The following LUZP2 variants were observed in gnomAD, a reference collection of about 807,000 sequenced individuals.
LUZP2 encodes the protein leucine zipper protein 2.
Under a neutral mutation model 51.6 loss-of-function variants are expected in LUZP2, and 52 were observed. The observed-to-expected ratio is 1.01, with a 90% CI of 0.81 to 1.27. The LOEUF is 1.27. Among genes scored for constraint, LUZP2 ranks in the 50% most tolerant of loss-of-function variants. LUZP2 has a pLI of 0.00. For synonymous variants in LUZP2, 154 were observed against 137.3 expected, an observed-to-expected ratio of 1.12 and a Z score of -0.85; for missense variants, 436 against 395.4, an observed-to-expected ratio of 1.10 and a Z score of -0.87.
chr11:25,010,941 C>T (rs891709429), intron 9 of LUZP2, among the ~76,000 whole-genome samples: 2 of 151,956 alleles, frequency 1.3e-5, no homozygotes, highest in African/African-American at 4.8e-5. Flanking sequence ...ACAAGTACTC[C>T]CAATTAATAG....
intron 1 of LUZP2, among the ~76,000 whole-genome samples, chr11:24,678,647 C>T (rs995778310): frequency 6.6e-6 from 1 of 152,096 alleles, no homozygotes; most frequent in East Asian, 1.9e-4. Flanking sequence ...GAAAAATATC[C>T]CAGGTATCTG....
chr11:24,642,460 C>G (rs1316219095), intron 1 of LUZP2, among the ~76,000 whole-genome samples: 2 of 151,802 alleles, frequency 1.3e-5, no homozygotes, highest in African/African-American at 2.4e-5. Flanking sequence ...GTTCAGTCCT[C>G]CACCAACCCA....
chr11:24,918,414 G>C (rs11028273), intron 7 of LUZP2, among the ~76,000 whole-genome samples: 69,637 of 151,362 alleles, frequency 0.46, 16,388 homozygotes, highest in East Asian at 0.76. Context: ...CTCTTGTGCC[G>C]GTTTTCAAAG....
At chr11:24,718,100 T>C (rs974824438) in intron 1 of LUZP2, among the ~76,000 whole-genome samples, 35 of 152,298 alleles carry the variant, frequency 2.3e-4, no homozygotes, top group African/African-American at 8.2e-4. Flanking sequence ...CTTTCTTTTA[T>C]AGAGAGAAAG....
chr11:24,669,257 C>T (rs919246371), intron 1 of LUZP2, among the ~76,000 whole-genome samples: 1 of 152,094 alleles, frequency 6.6e-6, no homozygotes. Flanking sequence ...TTGTTCCTTA[C>T]TACAAATGAA....
chr11:24,712,395 G>A lies in LUZP2; in HGVS notation c.63-16774G>A, dbSNP rs913590255. Among the ~76,000 whole-genome samples, 9 of 151,910 alleles carry A rather than the reference G, an allele frequency of 5.9e-5. No individual in the cohort carries two copies. In the Middle Eastern group the frequency reaches 0.02, roughly 344 times the overall value. ...ACTGCACTTCAGCCTGAGTGACAGA[G>A]TGAGATCCTGCCTAAAAAAAAAAAT... is the stretch of plus-strand genomic sequence containing the variant. On this transcript the variant is annotated intron_variant, in intron 1 of 11. Coordinates refer to ENST00000336930, the MANE Select transcript of LUZP2 (RefSeq NM_001009909.4).
intron 1 of LUZP2, among the ~76,000 whole-genome samples, chr11:24,535,060 C>A (rs1261495736): frequency 6.6e-6 from 1 of 151,080 alleles, no homozygotes; most frequent in Non-Finnish European, 1.5e-5. Flanking sequence ...TATATTAATG[C>A]TCTACTATAG....
At chr11:24,894,950 G>A (rs1156895124) in intron 5 of LUZP2, among the ~76,000 whole-genome samples, 1 of 152,046 alleles carries the variant, frequency 6.6e-6, no homozygotes, top group Non-Finnish European at 1.5e-5. Flanking sequence ...ACACAAACTA[G>A]GATAATGGCT....
intron 1 of LUZP2, among the ~76,000 whole-genome samples, chr11:24,577,712 C>A (rs956322476): frequency 2.6e-5 from 4 of 152,010 alleles, no homozygotes; most frequent in Non-Finnish European, 5.9e-5. Flanking sequence ...TATGTATATA[C>A]ATGTTTATTC....
intron 7 of LUZP2, among the ~76,000 whole-genome samples, chr11:24,942,524 G>T (rs1435834875): frequency 6.6e-6 from 1 of 152,028 alleles, no homozygotes; most frequent in Non-Finnish European, 1.5e-5. Flanking sequence ...CTGTTCACGT[G>T]TTTTTCTCCT....
chr11:24,623,510 G>T (rs1231360490), intron 1 of LUZP2, among the ~76,000 whole-genome samples: 1 of 151,506 alleles, frequency 6.6e-6, no homozygotes, highest in African/African-American at 2.4e-5. Context: ...CTCCTTGTGA[G>T]CTGGAAATGT....
intron 1 of LUZP2, among the ~76,000 whole-genome samples, chr11:24,522,044 C>G (rs1486310789): frequency 6.6e-6 from 1 of 151,992 alleles, no homozygotes; most frequent in African/African-American, 2.4e-5. Context: ...TAACTGACCA[C>G]GAGATTCTCT....
At chr11:24,955,963 G>A (rs1855199123) in intron 7 of LUZP2, among the ~76,000 whole-genome samples, 1 of 151,962 alleles carries the variant, frequency 6.6e-6, no homozygotes, top group Non-Finnish European at 1.5e-5. Context: ...AAGGGGAAAG[G>A]AGAGACAGCG....
chr11:24,698,011 A>G (rs2133902532), intron 1 of LUZP2, among the ~76,000 whole-genome samples: 1 of 152,258 alleles, frequency 6.6e-6, no homozygotes, highest in East Asian at 1.9e-4. Flanking sequence ...CCAATCAGGA[A>G]CACTCATTCC....
At chr11:24,663,468 G>A (rs117523864) in intron 1 of LUZP2, among the ~76,000 whole-genome samples, 8,362 of 152,172 alleles carry the variant, frequency 0.055, 302 homozygotes, top group Non-Finnish European at 0.079. Context: ...AAATTACCCA[G>A]TCTGAGGAAT....
chr11:25,024,580 C>T (rs1345878593), intron 9 of LUZP2, among the ~76,000 whole-genome samples: 1 of 152,038 alleles, frequency 6.6e-6, no homozygotes, highest in East Asian at 1.9e-4. Flanking sequence ...CCTAGGAATC[C>T]AACTTACAAA....
chr11:24,731,508 T>G (rs1471919543), intron 2 of LUZP2, among the ~76,000 whole-genome samples: 2 of 151,736 alleles, frequency 1.3e-5, no homozygotes, highest in Non-Finnish European at 3.0e-5. Flanking sequence ...ATTCATAGTC[T>G]CTGAATTCTG....
At chr11:25,008,362 G>C (rs1856892234) in intron 9 of LUZP2, among the ~76,000 whole-genome samples, 1 of 152,208 alleles carries the variant, frequency 6.6e-6, no homozygotes, top group Non-Finnish European at 1.5e-5. Flanking sequence ...TTTTGCTTGG[G>C]CAGTCCCAAG....
At chr11:24,758,086 A>G (rs1859840124) in intron 4 of LUZP2, among the ~76,000 whole-genome samples, 1 of 152,172 alleles carries the variant, frequency 6.6e-6, no homozygotes, top group South Asian at 2.1e-4. Context: ...AAATCAATTC[A>G]TAACAATATG....
Sources: gnomAD v4.1 joint callset for allele counts (sites outside exome capture counted in the v4.1 genomes callset) on GRCh38, gnomAD v4.1.1 for gene constraint, MANE v1.5 for transcripts, NCBI Gene and HGNC (gene_info 2026-07-23, HGNC 2026-07-21) for gene names.